SHANK2: variants seen among roughly 807,000 people sequenced by gnomAD.
SHANK2 encodes the protein SH3 and multiple ankyrin repeat domains 2.
A neutral mutation model predicts 133.7 loss-of-function variants in SHANK2; 43 were observed. The observed-to-expected ratio is 0.32, with a 90% CI of 0.25 to 0.41. The LOEUF is 0.41. SHANK2 is among the 10% of genes least tolerant of loss of function. SHANK2 has a pLI of 1.00. For synonymous variants in SHANK2, 1,017 were observed against 952.8 expected (o/e 1.07, Z -1.24); for missense variants, 1,994 against 2,235.8 (o/e 0.89, Z 2.18).
At chr11:70,837,628 A>G (rs1948839513) in intron 11 of SHANK2, among the ~76,000 whole-genome samples, 1 of 152,182 alleles carries the variant, frequency 6.6e-6, no homozygotes, top group Non-Finnish European at 1.5e-5. Flanking sequence ...TGACAAGTGC[A>G]GTCTGTCTTA....
chr11:71,060,602 T>C (rs1222348682), intron 9 of SHANK2, among the ~76,000 whole-genome samples: 1 of 152,198 alleles, frequency 6.6e-6, no homozygotes, highest in Admixed American at 6.5e-5. Flanking sequence ...CTGTCACCTC[T>C]CACTATGAGG....
intron 17 of SHANK2, among the ~76,000 whole-genome samples, chr11:70,554,363 T>A (rs1328110061): frequency 6.6e-6 from 1 of 152,224 alleles, no homozygotes; most frequent in Non-Finnish European, 1.5e-5. Flanking sequence ...CAGAGCGGCC[T>A]CTTTTCCACC....
chr11:71,223,746 C>A (rs568422464), intron 2 of SHANK2, among the ~76,000 whole-genome samples: 20 of 152,326 alleles, frequency 1.3e-4, no homozygotes, highest in African/African-American at 4.6e-4. Context: ...GCTTCTTGGG[C>A]AGGCCCGTGC....
Position 70,743,131 on chromosome 11 carries a change from C to CG in SHANK2, c.1778-44369dup, listed in dbSNP as rs561548358. ...GCGGTGGGGACACAAAGGCACAGGG[C>CG]GGGGGCTGGAGGGGAAACCTGCAGA... On this transcript the variant is annotated intron_variant, in intron 14 of 25. Coordinates refer to ENST00000601538, the MANE Select transcript of SHANK2 (RefSeq NM_012309.5). Among the ~76,000 whole-genome samples the CG allele has an allele frequency of 2.2e-3, 342 of 152,274 alleles. 2 individuals carry two copies. In the Middle Eastern group the frequency reaches 0.034, roughly 15 times the overall value.
In SHANK2 at chr11:71,163,093, A is replaced by AAAAATATAT; in HGVS notation, c.-12-15756_-12-15755insATATATTTT. ...GTCTAAAAAAAAAAAAAAAAAAAAA[A>AAAAATATAT]ATACATATATATATATATACAGAAT... is the stretch of plus-strand genomic sequence containing the variant. On this transcript the variant is annotated intron_variant, in intron 2 of 25. Coordinates refer to ENST00000601538, the MANE Select transcript of SHANK2 (RefSeq NM_012309.5). Among the ~76,000 whole-genome samples the AAAAATATAT allele has an allele frequency of 1.2e-4, 10 of 84,708 alleles. 1 individual carries two copies. The highest frequency in any genetic ancestry group is 4.6e-4 in the African/African-American group (10 of 21,790). 55.6% of individuals were successfully genotyped at this position (84,708 alleles called of 152,430 possible). A position where few individuals can be genotyped will look rare whatever the true frequency, so the allele number is the denominator to read the frequency against.
At chr11:70,696,347 G>T (rs1945391927) in intron 15 of SHANK2, among the ~76,000 whole-genome samples, 1 of 152,154 alleles carries the variant, frequency 6.6e-6, no homozygotes, top group Admixed American at 6.5e-5. Flanking sequence ...TCCCAGGCAG[G>T]TCCTTCCTCT....
chr11:71,193,738 G>A (rs1156559306), intron 2 of SHANK2, among the ~76,000 whole-genome samples: 2 of 152,054 alleles, frequency 1.3e-5, no homozygotes, highest in African/African-American at 2.4e-5. Context: ...GCTGTCCCAC[G>A]CCCCCGGAGG....
In SHANK2 at chr11:71,166,173, G is replaced by A. The variant is rs115409662; in HGVS notation, c.-12-18835C>T. On this transcript the variant is annotated intron_variant, in intron 2 of 25. Transcript: ENST00000601538. ...ACTACACAGGCCAAGCACCAAAGCA[G>A]GTGCCGTCCAGGTACTGGGTCACCT... Among the ~76,000 whole-genome samples the A allele has an allele frequency of 8.3e-3, 1,264 of 152,290 alleles. 20 individuals are homozygous for A. Among genetic ancestry groups the A allele is most frequent in the African/African-American group, 0.029 (1,219 of 41,568 alleles).
In SHANK2 at chr11:70,741,554, CT is replaced by C. The variant is rs373041275; in HGVS notation, c.1778-42792del. On this transcript the variant is annotated intron_variant, in intron 14 of 25. Coordinates refer to ENST00000601538, the MANE Select transcript of SHANK2 (RefSeq NM_012309.5). Reference sequence around the variant, plus strand: ...AGTACCTACCAGGTACCTTCCCCCACTTTCTTGGAGGTACTGCCTACTCATT... The same window carrying C: ...AGTACCTACCAGGTACCTTCCCCCACTTCTTGGAGGTACTGCCTACTCATT... 1.1e-3 allele frequency among the ~76,000 whole-genome samples: 175 copies of C among 152,320 alleles called. 3 individuals are homozygous for C. The highest frequency in any genetic ancestry group is 4.0e-3 in the African/African-American group (166 of 41,570).
chr11:71,196,426 C>T (rs1277272517), intron 2 of SHANK2, among the ~76,000 whole-genome samples: 4 of 151,964 alleles, frequency 2.6e-5, no homozygotes, highest in African/African-American at 7.2e-5. Context: ...GCTCGGATTA[C>T]AGGCGCATGC....
At chr11:70,825,441 T>C (rs1555057008) in intron 11 of SHANK2, among the ~76,000 whole-genome samples, 4 of 152,170 alleles carry the variant, frequency 2.6e-5, no homozygotes, top group Non-Finnish European at 5.9e-5. Flanking sequence ...AGAATTCACA[T>C]GGGGAGGCCA....
At chr11:71,063,373 C>G (rs1400483873) in intron 9 of SHANK2, among the ~76,000 whole-genome samples, 1 of 152,188 alleles carries the variant, frequency 6.6e-6, no homozygotes, top group African/African-American at 2.4e-5. Context: ...ACATGGTTCA[C>G]TTGGCTTAAT....
At chr11:71,149,567 A>ATT (rs1555107463) in intron 2 of SHANK2, among the ~76,000 whole-genome samples, 20 of 151,368 alleles carry the variant, frequency 1.3e-4, no homozygotes, top group Non-Finnish European at 2.5e-4. Flanking sequence ...TTCTCTTGCG[A>ATT]CTGTCTTATG....
chr11:70,810,269 C>T (rs549729472), intron 12 of SHANK2, among the ~76,000 whole-genome samples: 17 of 152,336 alleles, frequency 1.1e-4, no homozygotes, highest in African/African-American at 4.1e-4. Context: ...GAGAGGCTTC[C>T]CTGCCAGCCT....
At chr11:71,147,846 T>C (rs1477127735) in intron 2 of SHANK2, among the ~76,000 whole-genome samples, 2 of 152,120 alleles carry the variant, frequency 1.3e-5, no homozygotes, top group Admixed American at 6.5e-5. Flanking sequence ...AGAGCAATGA[T>C]AGGTACCGTG....
chr11:70,484,588 A>G (rs2058776073), intron 25 of SHANK2, among the ~76,000 whole-genome samples: 1 of 152,202 alleles, frequency 6.6e-6, no homozygotes, highest in South Asian at 2.1e-4. Context: ...ATGATCAAAT[A>G]TAGGCTCCTT....
At chr11:70,816,617 G>A (rs566752891) in intron 12 of SHANK2, among the ~76,000 whole-genome samples, 8 of 152,346 alleles carry the variant, frequency 5.3e-5, no homozygotes, top group South Asian at 4.1e-4. Flanking sequence ...TAAGGCAGGC[G>A]CACAAGGCAT....
At chr11:70,605,112 A>G (rs1308937750) in intron 17 of SHANK2, among the ~76,000 whole-genome samples, 1 of 152,246 alleles carries the variant, frequency 6.6e-6, no homozygotes, top group African/African-American at 2.4e-5. Context: ...TCCTCAGTGA[A>G]GGGCAGGGCT....
At chr11:70,606,864 T>C (rs1488834501) in intron 17 of SHANK2, among the ~76,000 whole-genome samples, 1 of 152,216 alleles carries the variant, frequency 6.6e-6, no homozygotes, top group Non-Finnish European at 1.5e-5. Context: ...TGAGCAACCC[T>C]GTTCTTCGGC....
Sources: gnomAD v4.1 joint callset for allele counts (sites outside exome capture counted in the v4.1 genomes callset) on GRCh38, gnomAD v4.1.1 for gene constraint, MANE v1.5 for transcripts, NCBI Gene and HGNC (gene_info 2026-07-23, HGNC 2026-07-21) for gene names.